DSEL: variants seen among roughly 807,000 people sequenced by gnomAD.
The protein encoded by DSEL is dermatan-sulfate epimerase-like protein.
Under a neutral mutation model 96.6 loss-of-function variants are expected in DSEL, and 61 were observed. The observed-to-expected ratio is 0.63, with a 90% CI of 0.51 to 0.78. DSEL has a LOEUF of 0.78. Ranked by LOEUF, DSEL falls within the 30% of genes least tolerant of loss-of-function variation. The pLI, the probability that DSEL is intolerant of heterozygous loss-of-function variation, is 0.00. For synonymous variants in DSEL, 514 were observed against 502.0 expected (o/e 1.02, Z -0.32); for missense variants, 1,320 against 1,430.8 (o/e 0.92, Z 1.25).
rs767005527 is a variant in DSEL at position 67,511,924 on chromosome 18, C to T, written c.2685G>A (p.Leu895=). The T allele has an allele frequency of 1.8e-5, 29 of 1,613,990 alleles. 1 individual carries two copies. Among genetic ancestry groups the T allele is most frequent in the Middle Eastern group, 1.6e-4 (1 of 6,084 alleles). Reference sequence around the variant, plus strand: ...AAGCATCTACAAATGAGTCGATTTCCAACTCAGTTTCAGGAATATCAATGT... The same window carrying T: ...AAGCATCTACAAATGAGTCGATTTCTAACTCAGTTTCAGGAATATCAATGT... The part of the protein sequence containing the change: ...TAYIDIPETE[L]EIDSFVDACE... The change falls in exon 2 of 2, where the codon TTG becomes TTA. Residue 895 remains leucine (L), a synonymous_variant. Coordinates refer to ENST00000310045, the MANE Select transcript of DSEL (RefSeq NM_032160.3).
chr18:67,507,493 C>T lies in DSEL; in HGVS notation c.*3477G>A, dbSNP rs1568242174. On this transcript the variant is annotated 3_prime_UTR_variant, in exon 2 of 2. Transcript: ENST00000310045. ...TCAAAGTTAATCAAGCCAAACAAAG[C>T]AATTCAAAAATTATCATTAATATTT... The T allele has an allele frequency of 6.6e-6, 1 of 151,488 alleles. No individual in the cohort carries two copies. Among genetic ancestry groups the T allele is most frequent in the South Asian group, 2.1e-4 (1 of 4,816 alleles). 9.4% of individuals were successfully genotyped at this position (151,488 alleles called of 1,614,324 possible). A position where few individuals can be genotyped will look rare whatever the true frequency, so the allele number is the denominator to read the frequency against.
Position 67,513,901 on chromosome 18 carries a change from G to C in DSEL, c.708C>G (p.Ala236=), listed in dbSNP as rs2089459651. 6.2e-6 allele frequency: 10 copies of C among 1,614,124 alleles called. No individual in the cohort carries two copies. The highest frequency in any genetic ancestry group is 8.5e-6 in the Non-Finnish European group (10 of 1,180,016). ...ATCCTTTATCTACTCCAGTCACCAA[G>C]GCCCCTGTGAGTAATGCTATCATAT... ...ATNMIALLTG[A]LVTGVDKGSK... Residue 236 remains alanine (A), a synonymous_variant, in exon 2 of 2, where the codon GCC becomes GCG. Transcript: ENST00000310045.
At chr18:67,515,900 CTTTTTT>C (rs10708052) in intron 1 of DSEL, among the ~76,000 whole-genome samples, 9 of 141,634 alleles carry the variant, frequency 6.4e-5, no homozygotes, top group Admixed American at 1.4e-4. Flanking sequence ...TTGAAAAGAT[CTTTTTT>C]TTTTTTTTTT....
chr18:67,512,825 A>T lies in DSEL; in HGVS notation c.1784T>A (p.Ile595Lys). The change falls in exon 2 of 2, where the codon ATA becomes AAA. Residue 595 changes from isoleucine to lysine, a missense_variant. Ile to Lys is a moderately radical substitution (Grantham distance 102, BLOSUM62 -3). Around this residue, in one of 3 missense-constraint regions of DSEL, gnomAD observed 986 missense variants for 1,066.4 expected, o/e 0.92. Coordinates refer to ENST00000310045, the MANE Select transcript of DSEL (RefSeq NM_032160.3). ...ATGAAAGAAGGCACTGACAGAATTT[A>T]TTGGGGAATCTTCTTGCCTCTCAAT... Reference protein sequence around the residue: ...DHIERQEDSPINSVSAFFHNL... With the variant: ...DHIERQEDSPKNSVSAFFHNL... The T allele has an allele frequency of 6.2e-7, 1 of 1,614,076 alleles. No homozygotes were observed. The highest frequency in any genetic ancestry group is 1.7e-5 in the Admixed American group (1 of 60,028).
In DSEL at chr18:67,511,810, A is replaced by G; in HGVS notation, c.2799T>C (p.His933=). 3.1e-6 allele frequency: 5 copies of G among 1,614,152 alleles called. No homozygotes were observed. The highest frequency in any genetic ancestry group is 4.2e-6 in the Non-Finnish European group (5 of 1,180,034). ...GTTCATGCAGATGGATGTTTTGCAAATGTAATTTTGTGTCCTGGACTAAAG... is the reference window on the plus strand; with the variant it reads ...GTTCATGCAGATGGATGTTTTGCAAGTGTAATTTTGTGTCCTGGACTAAAG... ...LQSLVQDTKL[H]LQNIHLHEPN... Residue 933 remains histidine, a synonymous_variant, in exon 2 of 2, where the codon CAT becomes CAC. Coordinates refer to ENST00000310045, the MANE Select transcript of DSEL (RefSeq NM_032160.3).
chr18:67,513,765 A>G lies in DSEL; in HGVS notation c.844T>C (p.Tyr282His), dbSNP rs2089458683. Reference protein sequence around the residue: ...SLDEGVAYGSYTAKSVTQYVF... With the variant: ...SLDEGVAYGSHTAKSVTQYVF... The stretch of plus-strand genomic sequence containing the variant: ...TACTGTGTGACGGATTTAGCTGTGT[A>G]GCTTCCATAGGCCACACCTTCATCC... The change falls in exon 2 of 2, where the codon TAC becomes CAC. Residue 282 changes from tyrosine (Y) to histidine (H), a missense_variant. By Grantham distance (83) the Tyr-to-His change is moderately conservative (BLOSUM62 2). Coordinates refer to ENST00000310045, the MANE Select transcript of DSEL (RefSeq NM_032160.3). 1 of 1,614,218 alleles carries G rather than the reference A, an allele frequency of 6.2e-7. No homozygotes were observed. Among genetic ancestry groups the G allele is most frequent in the Non-Finnish European group, 8.5e-7 (1 of 1,180,040 alleles).
In DSEL at chr18:67,512,951, C is replaced by T. The variant is rs1038093132; in HGVS notation, c.1658G>A (p.Ser553Asn). ...AGAATAAGCAGACACGGCTTCCCCA[C>T]TCACAAATACCATTTCCCCATGTTG... is the stretch of plus-strand genomic sequence containing the variant. Reference protein sequence around the residue: ...ASQHGEMVFVSGEAVSAYSSA... With the variant: ...ASQHGEMVFVNGEAVSAYSSA... The change falls in exon 2 of 2, where the codon AGT (serine) becomes AAT (asparagine). Residue 553 changes from serine to asparagine, a missense_variant. Transcript: ENST00000310045. 5.0e-6 allele frequency: 8 copies of T among 1,614,086 alleles called. No individual in the cohort carries two copies. The African/African-American group carries it at 9.3e-5, about 19-fold the overall frequency.
Position 67,513,657 on chromosome 18 carries a change from T to A in DSEL, c.952A>T (p.Thr318Ser), listed in dbSNP as rs2089457904. The stretch of plus-strand genomic sequence containing the variant: ...GTTCTTTGGAAGCCAGGTAAAAGGG[T>A]GGCATAATAGAACCAAAAGTGCATC... ...LKMHFWFYYA[T>S]LLPGFQRTVG... Residue 318 changes from threonine to serine, a missense_variant, in exon 2 of 2, where the codon ACC becomes TCC. By Grantham distance (58) the Thr-to-Ser change is moderately conservative. Transcript: ENST00000310045. 6.2e-7 allele frequency: 1 copy of A among 1,614,050 alleles called. No homozygotes were observed. Among genetic ancestry groups the A allele is most frequent in the Non-Finnish European group, 8.5e-7 (1 of 1,180,040 alleles).
chr18:67,510,077 C>T lies in DSEL; in HGVS notation c.*893G>A, dbSNP rs984702031. 3 of 152,216 alleles carry T rather than the reference C, an allele frequency of 2.0e-5. No individual in the cohort carries two copies. Among genetic ancestry groups the T allele is most frequent in the East Asian group, 1.9e-4 (1 of 5,190 alleles). The allele number at this position is 152,216 out of a possible 1,614,324, so 9.4% of individuals were successfully genotyped here. A position where few individuals can be genotyped will look rare whatever the true frequency, so the allele number is the denominator to read the frequency against. On this transcript the variant is annotated 3_prime_UTR_variant, in exon 2 of 2. Transcript: ENST00000310045. Reference sequence around the variant, plus strand: ...ATTCTAAGTCTGTGTCAGTCTTTAACGCAAAATTAATCAACTGGGGGGAAA... The same window carrying T: ...ATTCTAAGTCTGTGTCAGTCTTTAATGCAAAATTAATCAACTGGGGGGAAA...
rs1431758773 is a variant in DSEL, at chr18:67,511,291, A to G, written c.3318T>C (p.Asn1106=). The G allele has an allele frequency of 1.2e-6, 2 of 1,609,648 alleles. No homozygotes were observed. The highest frequency in any genetic ancestry group is 1.7e-5 in the Admixed American group (1 of 60,020). Residue 1106 remains asparagine (N), a synonymous_variant, in exon 2 of 2, where the codon AAT becomes AAC. Coordinates refer to ENST00000310045, the MANE Select transcript of DSEL (RefSeq NM_032160.3). ...TATTTATTCTCAAGGCTGCTGCTGTATTTGCTAGCCACAAGTGAGACAAGA... is the reference window on the plus strand; with the variant it reads ...TATTTATTCTCAAGGCTGCTGCTGTGTTTGCTAGCCACAAGTGAGACAAGA... The part of the protein sequence containing the change: ...VSLLSHLWLA[N]TAAALRINTD...
At position 67,510,850 on chromosome 18, in the gene DSEL, G is replaced by T. The variant is rs145623032; in HGVS notation, c.*120C>A. On this transcript the variant is annotated 3_prime_UTR_variant, in exon 2 of 2. Transcript: ENST00000310045. ...ACAATCTCTCTGTGCAAACAACACT[G>T]AACACATACACGCGTGCACACACAC... 1 of 767,214 alleles carries T rather than the reference G, an allele frequency of 1.3e-6. No homozygotes were observed. The highest frequency in any genetic ancestry group is 2.0e-6 in the Non-Finnish European group (1 of 504,568). 47.5% of individuals were successfully genotyped at this position (767,214 alleles called of 1,614,324 possible).
chr18:67,511,040 T>G lies in DSEL; in HGVS notation c.3569A>C (p.Glu1190Ala), dbSNP rs1465485158. Residue 1190 changes from glutamate to alanine, a missense_variant, in exon 2 of 2, where the codon GAA (glutamate) becomes GCA (alanine). Physicochemically the swap from Glu to Ala is moderately radical, Grantham distance 107. Transcript: ENST00000310045. ...NVWKQNLPRDEIKLIENICWT... is the reference protein window; with the variant it reads ...NVWKQNLPRDAIKLIENICWT... ...GCAGATGTTTTCAATTAGTTTAATT[T>G]CATCTCTAGGCAAGTTCTGTTTCCA... 6.2e-7 allele frequency: 1 copy of G among 1,613,122 alleles called. No homozygotes were observed. The highest frequency in any genetic ancestry group is 8.5e-7 in the Non-Finnish European group (1 of 1,179,770).
chr18:67,511,860 G>C lies in DSEL; in HGVS notation c.2749C>G (p.Arg917Gly). 6.2e-7 allele frequency: 1 copy of C among 1,614,114 alleles called. No individual in the cohort carries two copies. Residue 917 changes from arginine (R) to glycine (G), a missense_variant, in exon 2 of 2, where the codon CGT becomes GGT. Transcript: ENST00000310045. Reference sequence around the variant, plus strand: ...GACTGCAACCAGCCTCGGAGTAAACGAAAATGCCCACTGCGGATATCTGAC... The same window carrying C: ...GACTGCAACCAGCCTCGGAGTAAACCAAAATGCCCACTGCGGATATCTGAC... ...KVSDIRSGHFRLLRGWLQSLV... is the reference protein window; with the variant it reads ...KVSDIRSGHFGLLRGWLQSLV...
At position 67,512,647 on chromosome 18, in the gene DSEL, AGCTTGCTCT is replaced by A; in HGVS notation, c.1953_1961del (p.Glu652_Ala654del). 1 of 1,614,164 alleles carries A rather than the reference AGCTTGCTCT, an allele frequency of 6.2e-7. No homozygotes were observed. Among genetic ancestry groups the A allele is most frequent in the Non-Finnish European group, 8.5e-7 (1 of 1,180,038 alleles). ...GAGTCCATCGTTTTTTAAATTCAGC[AGCTTGCTCT>A]GCTTCCTGTATACTGGCCATGGGAC... On this transcript the variant is annotated inframe_deletion, in exon 2 of 2. Coordinates refer to ENST00000310045, the MANE Select transcript of DSEL (RefSeq NM_032160.3).
Position 67,513,517 on chromosome 18 carries a change from A to G in DSEL, c.1092T>C (p.Ile364=), listed in dbSNP as rs139964950. 1.1e-4 allele frequency: 173 copies of G among 1,614,186 alleles called. No homozygotes were observed. The highest frequency in any genetic ancestry group is 1.2e-4 in the Admixed American group (7 of 60,018). ...NGAGNWLAQQ[I]RKHRPKDGPM... Reference sequence around the variant, plus strand: ...GTCCATCTTTAGGTCGGTGCTTTCTAATTTGCTGAGCTAACCAATTTCCAG... The same window carrying G: ...GTCCATCTTTAGGTCGGTGCTTTCTGATTTGCTGAGCTAACCAATTTCCAG... The change falls in exon 2 of 2, where the codon ATT becomes ATC. Residue 364 remains isoleucine (I), a synonymous_variant. Coordinates refer to ENST00000310045, the MANE Select transcript of DSEL (RefSeq NM_032160.3).
rs756328133 is a variant in DSEL, at chr18:67,512,098, C to T, written c.2511G>A (p.Glu837=). ...CAGAAGACAAAGACTTCTTGCTTCC[C>T]TCAGCCTCTGTCCTTGTCCATTTTG... ...ICAKWTRTEA[E]GSKKSLSSEG... is the part of the protein sequence containing the mutation. Residue 837 remains glutamate (E), a synonymous_variant, in exon 2 of 2, where the codon GAG becomes GAA. Coordinates refer to ENST00000310045, the MANE Select transcript of DSEL (RefSeq NM_032160.3). The T allele has an allele frequency of 5.0e-6, 8 of 1,614,054 alleles. No homozygotes were observed. The Admixed American group carries it at 1.2e-4, about 24-fold the overall frequency.
Position 67,516,464 on chromosome 18 carries a change from G to T in DSEL, c.-988C>A, listed in dbSNP as rs2144059316. The T allele has an allele frequency of 6.6e-6, 1 of 152,464 alleles. No homozygotes were observed. Among genetic ancestry groups the T allele is most frequent in the Non-Finnish European group, 1.5e-5 (1 of 68,178 alleles). The allele number at this position is 152,464 out of a possible 1,614,324, so 9.4% of individuals were successfully genotyped here. ...TCTGCACGGCGGGCCAGGCTCCCGC[G>T]GGGCTCCGCAAGACCCCCGCGTCGT... On this transcript the variant is annotated 5_prime_UTR_variant, in exon 1 of 2. Transcript: ENST00000310045. The surrounding 1 kb of genome is among the most constrained non-coding windows in gnomAD (Gnocchi z 5.6).
At position 67,512,442 on chromosome 18, in the gene DSEL, T is replaced by G; in HGVS notation, c.2167A>C (p.Asn723His). The G allele has an allele frequency of 1.9e-6, 3 of 1,614,194 alleles. No homozygotes were observed. In the South Asian group the frequency reaches 3.3e-5, roughly 18 times the overall value. The change falls in exon 2 of 2, where the codon AAC becomes CAC. Residue 723 changes from asparagine to histidine, a missense_variant. Asn to His is a moderately conservative substitution (Grantham distance 68, BLOSUM62 1). Around this residue, in one of 3 missense-constraint regions of DSEL, gnomAD observed 986 missense variants for 1,066.4 expected, o/e 0.92. Transcript: ENST00000310045. ...HVVSIVTDYH[N>H]LKTRFNYLGF... ...AGATAATTGAATCTTGTCTTCAGGT[T>G]ATGGTAATCAGTTACAATAGAAACA...
Position 67,511,100 on chromosome 18 carries a change from T to C in DSEL, c.3509A>G (p.Tyr1170Cys), listed in dbSNP as rs779203835. 2.5e-6 allele frequency: 4 copies of C among 1,613,942 alleles called. No individual in the cohort carries two copies. The highest frequency in any genetic ancestry group is 1.7e-5 in the Admixed American group (1 of 60,002). Residue 1170 changes from tyrosine (Y) to cysteine (C), a missense_variant, in exon 2 of 2, where the codon TAT (tyrosine) becomes TGT (cysteine). Physicochemically the swap from Tyr to Cys is radical, Grantham distance 194. Coordinates refer to ENST00000310045, the MANE Select transcript of DSEL (RefSeq NM_032160.3). The part of the protein sequence containing the change: ...ATSTNLFYLP[Y>C]EGEISPTNTN... ...ATTAGTTGGTGATATTTCCCCTTCA[T>C]AGGGAAGGTAAAAAAGGTTTGTAGA...
Sources: gnomAD v4.1 joint callset for allele counts (sites outside exome capture counted in the v4.1 genomes callset) on GRCh38, gnomAD v4.1.1 for gene constraint, gnomAD v4.1.1 regional missense constraint, Gnocchi (gnomAD v3.1) non-coding constraint, MANE v1.5 for transcripts, NCBI Gene and HGNC (gene_info 2026-07-23, HGNC 2026-07-21) for gene names.